The following IP6K1 variants were observed in gnomAD, a reference collection of about 807,000 sequenced individuals.
IP6K1 encodes inositol hexakisphosphate kinase 1, also known as ATP:1D-myo-inositol-hexakisphosphate phosphotransferase.
In IP6K1, 13 loss-of-function variants were observed where a neutral mutation model predicts 38.3. The observed-to-expected ratio is 0.34, with a 90% CI of 0.22 to 0.54. The LOEUF (loss-of-function observed/expected upper bound fraction) is 0.54, where lower values mean the gene tolerates loss of function less well. Among genes scored for constraint, IP6K1 ranks in the 20% least tolerant of loss-of-function variants. IP6K1 has a pLI of 0.92. For synonymous variants in IP6K1, 212 were observed against 229.9 expected, an observed-to-expected ratio of 0.92 and a Z score of 0.70; for missense variants, 397 against 599.8, an observed-to-expected ratio of 0.66 and a Z score of 3.53.
intron 1 of IP6K1, among the ~76,000 whole-genome samples, chr3:49,767,311 G>A (rs1038977450): frequency 3.9e-5 from 6 of 152,048 alleles, no homozygotes; most frequent in African/African-American, 1.4e-4. Flanking sequence ...AGGCGCGGTG[G>A]CTCACGCCTG....
chr3:49,734,011 T>C (rs2080584718), intron 3 of IP6K1, among the ~76,000 whole-genome samples: 1 of 152,100 alleles, frequency 6.6e-6, no homozygotes, highest in South Asian at 2.1e-4. Flanking sequence ...GTGCCTGTAG[T>C]TCCAGCCAGC....
chr3:49,745,951 C>CA (rs938687822), intron 2 of IP6K1, among the ~76,000 whole-genome samples: 5 of 150,538 alleles, frequency 3.3e-5, no homozygotes, highest in African/African-American at 7.3e-5. Flanking sequence ...CAGACAATAA[C>CA]AAAAAAATCC....
At chr3:49,756,510 T>C (rs931129960) in intron 1 of IP6K1, among the ~76,000 whole-genome samples, 3 of 151,954 alleles carry the variant, frequency 2.0e-5, no homozygotes, top group Admixed American at 2.0e-4. Flanking sequence ...GAAATCAAAA[T>C]GAAATGCACA....
chr3:49,775,562 TA>T, intron 1 of IP6K1: 1 of 1,044,960 alleles, frequency 9.6e-7, no homozygotes, highest in Non-Finnish European at 1.4e-6. Flanking sequence ...TGGGGAGCTC[TA>T]AGACAGACCT....
intron 4 of IP6K1, among the ~76,000 whole-genome samples, chr3:49,728,796 C>T (rs577180088): frequency 6.6e-5 from 10 of 152,032 alleles, no homozygotes; most frequent in East Asian, 1.9e-4. Context: ...AGGCTGGTCT[C>T]GAACTCCTGA....
chr3:49,728,289 G>C lies in IP6K1; in HGVS notation c.617-11C>G, dbSNP rs1358146942. 5 of 1,609,444 alleles carry C rather than the reference G, an allele frequency of 3.1e-6. No homozygotes were observed. Among genetic ancestry groups the C allele is most frequent in the Non-Finnish European group, 3.4e-6 (4 of 1,176,134 alleles). On this transcript the variant is annotated splice_polypyrimidine_tract_variant and intron_variant, in intron 4 of 5. Coordinates refer to ENST00000321599, the MANE Select transcript of IP6K1 (RefSeq NM_153273.4). The stretch of plus-strand genomic sequence containing the variant: ...CAAGCAGGAGGAACTCTGGGCCACG[G>C]TCAAGGAGAATGACAACCACACTCA...
chr3:49,764,135 A>C (rs1438704283), intron 1 of IP6K1, among the ~76,000 whole-genome samples: 1 of 151,850 alleles, frequency 6.6e-6, no homozygotes, highest in Non-Finnish European at 1.5e-5. Context: ...GTAATTGCAC[A>C]CTTTGGGAGG....
chr3:49,732,675 G>A, intron 4 of IP6K1, 116 bp downstream of exon 4: 1 of 722,592 alleles, frequency 1.4e-6, no homozygotes, highest in Non-Finnish European at 2.2e-6. Context: ...CATGAAAAAG[G>A]GAGATTAAAC....
chr3:49,739,600 G>A (rs1433401121), intron 2 of IP6K1, among the ~76,000 whole-genome samples: 3 of 151,850 alleles, frequency 2.0e-5, no homozygotes, highest in Non-Finnish European at 4.4e-5. Context: ...TGATCCACCC[G>A]TCTCGGCCTC....
At chr3:49,743,182 T>C (rs1429774107) in intron 2 of IP6K1, among the ~76,000 whole-genome samples, 3 of 151,354 alleles carry the variant, frequency 2.0e-5, no homozygotes, top group African/African-American at 7.3e-5. Context: ...TTCATACCAC[T>C]GCACTCTAGC....
chr3:49,774,407 CAAAAAAAAAA>C (rs777187857), intron 1 of IP6K1, among the ~76,000 whole-genome samples: 3 of 44,284 alleles, frequency 6.8e-5, no homozygotes, highest in East Asian at 7.7e-4. Flanking sequence ...GACTCCATCT[CAAAAAAAAAA>C]AAAAAAAAAA....
At chr3:49,768,600 T>C (rs1471638395) in intron 1 of IP6K1, among the ~76,000 whole-genome samples, 1 of 152,074 alleles carries the variant, frequency 6.6e-6, no homozygotes. Context: ...TGAAACCCCA[T>C]CTTTACCAAA....
rs116845431 is a variant in IP6K1, at chr3:49,756,320, A to G, written c.-128-8152T>C. On this transcript the variant is annotated intron_variant, in intron 1 of 5. Coordinates refer to ENST00000321599, the MANE Select transcript of IP6K1 (RefSeq NM_153273.4). ...TTAATTTAGGTCAAGGAGAGAATCT[A>G]GAGTCCACTGAACCTCTTTCCTGTT... Among the ~76,000 whole-genome samples the G allele has an allele frequency of 1.4e-3, 207 of 152,324 alleles. 4 individuals carry two copies. In the East Asian group the frequency reaches 0.034, roughly 25 times the overall value.
intron 3 of IP6K1, among the ~76,000 whole-genome samples, chr3:49,733,193 A>G (rs1443353072): frequency 2.0e-5 from 3 of 152,194 alleles, no homozygotes; most frequent in South Asian, 4.1e-4. Flanking sequence ...TATCTGAAAA[A>G]TAACATTTTT....
intron 1 of IP6K1, among the ~76,000 whole-genome samples, chr3:49,769,676 T>C (rs973722542): frequency 4.6e-5 from 7 of 152,204 alleles, no homozygotes; most frequent in South Asian, 2.1e-4. Flanking sequence ...GAAAAGAATA[T>C]GGCAGAAGTG....
rs531383650 is a variant in IP6K1, at chr3:49,725,791, A to T, written c.*1331T>A. The T allele has an allele frequency of 6.6e-6, 1 of 152,578 alleles. No individual in the cohort carries two copies. Among genetic ancestry groups the T allele is most frequent in the South Asian group, 2.1e-4 (1 of 4,822 alleles). The allele number at this position is 152,578 out of a possible 1,614,324, so 9.5% of individuals were successfully genotyped here. ...CTCAAGCCCTCACTGCCCCACTCTA[A>T]GGGTTGAGGGCCATATTCTAGGCCC... On this transcript the variant is annotated 3_prime_UTR_variant, in exon 6 of 6. Coordinates refer to ENST00000321599, the MANE Select transcript of IP6K1 (RefSeq NM_153273.4).
intron 4 of IP6K1, among the ~76,000 whole-genome samples, chr3:49,730,219 T>C (rs889654110): frequency 3.9e-5 from 6 of 152,134 alleles, no homozygotes; most frequent in Non-Finnish European, 5.9e-5. Context: ...ATGTTTTTTT[T>C]AGAGACAGGG....
chr3:49,762,410 G>A (rs910871640), intron 1 of IP6K1, among the ~76,000 whole-genome samples: 4 of 152,148 alleles, frequency 2.6e-5, no homozygotes, highest in South Asian at 2.1e-4. Context: ...GCAAGGTGGC[G>A]GGCGCCTGTA....
At chr3:49,781,177 T>C (rs961762731) in intron 1 of IP6K1, among the ~76,000 whole-genome samples, 3 of 152,042 alleles carry the variant, frequency 2.0e-5, no homozygotes, top group African/African-American at 7.2e-5. Flanking sequence ...TTCTACTGCT[T>C]CAATCTTCCA....
Sources: allele counts gnomAD v4.1 joint callset (sites outside exome capture counted in the v4.1 genomes callset), GRCh38; gene constraint gnomAD v4.1.1; transcripts MANE v1.5; gene names NCBI Gene and HGNC (gene_info 2026-07-23, HGNC 2026-07-21).